Variants in TINF2 observed in about 807,000 individuals in gnomAD.
TINF2 encodes the protein TERF1 interacting nuclear factor 2, also known as TERF1-interacting nuclear factor 2.
TINF2 carries 27 observed loss-of-function variants against 50.4 expected under a neutral mutation model. That is an observed-to-expected ratio of 0.54 (90% CI 0.40 to 0.74). The LOEUF is 0.74. Ranked by LOEUF, TINF2 falls within the 30% of genes least tolerant of loss-of-function variation. TINF2 has a pLI of 0.00. For synonymous variants in TINF2, 223 were observed against 214.6 expected (o/e 1.04, Z -0.34); for missense variants, 496 against 551.5 (o/e 0.90, Z 1.01).
In TINF2 at chr14:24,240,578, G is replaced by C. The variant is rs2040552004; in HGVS notation, c.902C>G (p.Ser301Cys). Residue 301 changes from serine to cysteine, a missense_variant, in exon 6 of 9, where the codon TCT becomes TGT. Ser to Cys is a moderately radical substitution (Grantham distance 112). Coordinates refer to ENST00000267415, the MANE Select transcript of TINF2 (RefSeq NM_001099274.3). ...ATGTTCTTCCTTGCTCTCAGGCTTAGATATGACCTGGGTTGGTGAGCCGAG... is the reference window on the plus strand; with the variant it reads ...ATGTTCTTCCTTGCTCTCAGGCTTACATATGACCTGGGTTGGTGAGCCGAG... ...RNLGSPTQVI[S>C]KPESKEEHAI... 1 of 1,614,206 alleles carries C rather than the reference G, an allele frequency of 6.2e-7. No individual in the cohort carries two copies. The highest frequency in any genetic ancestry group is 8.5e-7 in the Non-Finnish European group (1 of 1,180,046).
Position 24,240,598 on chromosome 14 carries a change from G to A in TINF2, c.882C>T (p.Gly294=). The stretch of plus-strand genomic sequence containing the variant: ...GCTTAGATATGACCTGGGTTGGTGA[G>A]CCGAGATTCCTAAAGGGAAACAGCA... The part of the protein sequence containing the change: ...TVMLFPFRNL[G]SPTQVISKPE... Residue 294 remains glycine, a synonymous_variant, in exon 6 of 9, where the codon GGC becomes GGT. Coordinates refer to ENST00000267415, the MANE Select transcript of TINF2 (RefSeq NM_001099274.3). 1 of 1,614,180 alleles carries A rather than the reference G, an allele frequency of 6.2e-7. No individual in the cohort carries two copies. The highest frequency in any genetic ancestry group is 1.1e-5 in the South Asian group (1 of 91,086).
chr14:24,240,953 G>A (rs1251951421), intron 5 of TINF2, 67 bp downstream of exon 5: 1 of 1,613,634 alleles, frequency 6.2e-7, no homozygotes, highest in Non-Finnish European at 8.5e-7. Flanking sequence ...CGGAGCCCAT[G>A]GAACTATTCC....
chr14:24,242,639 A>G, upstream of TINF2: 3 of 1,226,924 alleles, frequency 2.4e-6, no homozygotes, highest in Non-Finnish European at 3.1e-6. Flanking sequence ...CGGCTCCGCT[A>G]CTAGCTTCCC....
In TINF2 at chr14:24,240,726, G is replaced by A. The variant is rs768311481; in HGVS notation, c.754C>T (p.Pro252Ser). The A allele has an allele frequency of 6.2e-7, 1 of 1,613,662 alleles. No homozygotes were observed. The highest frequency in any genetic ancestry group is 1.1e-5 in the South Asian group (1 of 91,080). The change falls in exon 6 of 9, where the codon CCT becomes TCT. Residue 252 changes from proline (P) to serine (S), a missense_variant. Pro to Ser is a moderately conservative substitution (Grantham distance 74, BLOSUM62 -1). Coordinates refer to ENST00000267415, the MANE Select transcript of TINF2 (RefSeq NM_001099274.3). ...AGATTGAAGTGTCGGCCAGCTAGAG[G>A]TTCTGGGTGCGTCCTTGAAGATGGT... ...QGPSSRTHPE[P>S]LAGRHFNLAP...
chr14:24,242,261 G>T lies in TINF2; in HGVS notation c.72C>A (p.Arg24=). ...GCGGAAAATGTTCCACGCAGCGTCC[G>T]CGCACAACCTGCCAGCTAGCCGCGG... ...FAAAASWQVV[R]GRCVEHFPRV... Residue 24 remains arginine, a synonymous_variant, in exon 1 of 9, where the codon CGC becomes CGA. Coordinates refer to ENST00000267415, the MANE Select transcript of TINF2 (RefSeq NM_001099274.3). 6.2e-7 allele frequency: 1 copy of T among 1,614,150 alleles called. No homozygotes were observed. The highest frequency in any genetic ancestry group is 8.5e-7 in the Non-Finnish European group (1 of 1,180,030).
Position 24,241,974 on chromosome 14 carries a change from C to G in TINF2, c.213G>C (p.Leu71=). 6.2e-7 allele frequency: 1 copy of G among 1,614,240 alleles called. No individual in the cohort carries two copies. The highest frequency in any genetic ancestry group is 2.2e-5 in the East Asian group (1 of 44,882). The part of the protein sequence containing the change: ...LKAKVVVELI[L]QGRPWAQVLK... ...GGACTTGGGCCCAAGGCCGGCCCTG[C>G]AGGATCAGCTCCACCACCACCTGTA... Residue 71 remains leucine, a synonymous_variant, in exon 2 of 9, where the codon CTG becomes CTC. Coordinates refer to ENST00000267415, the MANE Select transcript of TINF2 (RefSeq NM_001099274.3).
In TINF2 at chr14:24,239,873, T is replaced by C. The variant is rs1364080800; in HGVS notation, c.1280A>G (p.Glu427Gly). 6.2e-7 allele frequency: 1 copy of C among 1,614,094 alleles called. No individual in the cohort carries two copies. Among genetic ancestry groups the C allele is most frequent in the African/African-American group, 1.3e-5 (1 of 74,928 alleles). Residue 427 changes from glutamate to glycine, a missense_variant, in exon 9 of 9, where the codon GAA becomes GGA. Coordinates refer to ENST00000267415, the MANE Select transcript of TINF2 (RefSeq NM_001099274.3). ...ACCGTGGCCAGAAGGGGGTAGGTAT[T>C]CACAGAGAGTGGGTATCAAGGTGTC... ...KFDTLIPTLC[E>G]YLPPSGHGAI...
downstream of TINF2, chr14:24,239,642 A>G: frequency 6.5e-7 from 1 of 1,534,480 alleles, no homozygotes; most frequent in South Asian, 1.2e-5. Flanking sequence ...TCAAGGCAGT[A>G]TTTTAACAAA....
intron 3 of TINF2, 33 bp downstream of exon 3, chr14:24,241,642 A>G: frequency 6.4e-7 from 1 of 1,564,898 alleles, no homozygotes. Context: ...GTTAGAGAAA[A>G]TAGCCACATA....
intron 2 of TINF2, 28 bp downstream of exon 2, chr14:24,241,862 G>A (rs748978859): frequency 1.2e-6 from 2 of 1,613,800 alleles, no homozygotes; most frequent in African/African-American, 2.7e-5. Context: ...TGTAACTGGG[G>A]TCAGGGCTTG....
Position 24,242,189 on chromosome 14 carries a change from C to T in TINF2, c.144G>A (p.Leu48=). Residue 48 remains leucine (L), a synonymous_variant, in exon 1 of 9, where the codon TTG becomes TTA. Coordinates refer to ENST00000267415, the MANE Select transcript of TINF2 (RefSeq NM_001099274.3). ...LRSLRAVAPG[L]VRYRHHERLC... Reference sequence around the variant, plus strand: ...GGCGTTCGTGGTGCCGGTAGCGAACCAAGCCAGGGGCAACAGCGCGCAGAG... The same window carrying T: ...GGCGTTCGTGGTGCCGGTAGCGAACTAAGCCAGGGGCAACAGCGCGCAGAG... The T allele has an allele frequency of 6.2e-7, 1 of 1,614,268 alleles. No homozygotes were observed. Among genetic ancestry groups the T allele is most frequent in the Non-Finnish European group, 8.5e-7 (1 of 1,180,050 alleles).
chr14:24,240,017 T>G (rs748472164), intron 8 of TINF2, 47 bp downstream of exon 8: 1 of 1,614,222 alleles, frequency 6.2e-7, no homozygotes, highest in Admixed American at 1.7e-5. Context: ...TTTCTCAGTC[T>G]TGTTCTACCC....
chr14:24,241,218 G>A lies in TINF2; in HGVS notation c.493C>T (p.Pro165Ser), dbSNP rs2139000919. ...LCQLEKALPTPQAQQLQDVLS... is the reference protein window; with the variant it reads ...LCQLEKALPTSQAQQLQDVLS... Reference sequence around the variant, plus strand: ...CCCAGCGAAACCTGCTGTGCCTGCGGTGTAGGCAGTGCTTTCTCCAGCTGA... The same window carrying A: ...CCCAGCGAAACCTGCTGTGCCTGCGATGTAGGCAGTGCTTTCTCCAGCTGA... Residue 165 changes from proline to serine, a missense_variant, in exon 4 of 9, where the codon CCG (proline) becomes TCG (serine). By Grantham distance (74) the Pro-to-Ser change is moderately conservative. Around this residue, in one of 3 missense-constraint regions of TINF2, gnomAD observed 314 missense variants for 343.8 expected, o/e 0.91. Coordinates refer to ENST00000267415, the MANE Select transcript of TINF2 (RefSeq NM_001099274.3). The A allele has an allele frequency of 6.2e-7, 1 of 1,614,166 alleles. No homozygotes were observed. Among genetic ancestry groups the A allele is most frequent in the East Asian group, 2.2e-5 (1 of 44,890 alleles).
Position 24,239,915 on chromosome 14 carries a change from T to C in TINF2, c.1238A>G (p.Tyr413Cys). ...QGEGKESLEN[Y>C]QKTKFDTLIP... ...CAAGGTGTCAAACTTTGTCTTCTGA[T>C]AGTTTTCCAGAGATTCCTGTAGAGA... The change falls in exon 9 of 9, where the codon TAT becomes TGT. Residue 413 changes from tyrosine (Y) to cysteine (C), a missense_variant. Tyr to Cys is a radical substitution (Grantham distance 194, BLOSUM62 -2). This residue lies in a region of TINF2 where 179 missense variants were observed against 188.3 expected (regional missense o/e 0.95). Transcript: ENST00000267415. The C allele has an allele frequency of 6.2e-7, 1 of 1,614,176 alleles. No homozygotes were observed. The highest frequency in any genetic ancestry group is 8.5e-7 in the Non-Finnish European group (1 of 1,180,024).
In TINF2 at chr14:24,239,708, C is replaced by A. The variant is rs894778189; in HGVS notation, c.*89G>T. ...ATTTTTAGCAGTGTAGTTAGGCAAT[C>A]CAAGCCTGGACTTCCACTTCATTCC... On this transcript the variant is annotated 3_prime_UTR_variant, in exon 9 of 9. Transcript: ENST00000267415. The A allele has an allele frequency of 6.2e-7, 1 of 1,612,730 alleles. No individual in the cohort carries two copies. The highest frequency in any genetic ancestry group is 8.5e-7 in the Non-Finnish European group (1 of 1,179,724).
Position 24,240,554 on chromosome 14 carries a change from T to A in TINF2, c.926A>T (p.His309Leu), listed in dbSNP as rs771963817. The change falls in exon 6 of 9, where the codon CAT becomes CTT. Residue 309 changes from histidine (H) to leucine (L), a missense_variant. His to Leu is a moderately conservative substitution (Grantham distance 99). This residue lies in a region of TINF2 where 179 missense variants were observed against 188.3 expected (regional missense o/e 0.95). Coordinates refer to ENST00000267415, the MANE Select transcript of TINF2 (RefSeq NM_001099274.3). ...VISKPESKEEHAIYTADLAMG... is the reference protein window; with the variant it reads ...VISKPESKEELAIYTADLAMG... ...GGCTAGGTCTGCTGTGTATATCGCA[T>A]GTTCTTCCTTGCTCTCAGGCTTAGA... 1.9e-6 allele frequency: 3 copies of A among 1,614,094 alleles called. No individual in the cohort carries two copies. The highest frequency in any genetic ancestry group is 2.7e-5 in the African/African-American group (2 of 74,918).
At position 24,239,920 on chromosome 14, in the gene TINF2, T is replaced by C. The variant is rs1368000038; in HGVS notation, c.1233A>G (p.Glu411=). 2.0e-5 allele frequency: 32 copies of C among 1,614,074 alleles called. No homozygotes were observed. Among genetic ancestry groups the C allele is most frequent in the Admixed American group, 3.3e-5 (2 of 60,004 alleles). The change falls in exon 9 of 9, where the codon GAA becomes GAG. Residue 411 remains glutamate (E), a synonymous_variant. Coordinates refer to ENST00000267415, the MANE Select transcript of TINF2 (RefSeq NM_001099274.3). ...TGTCAAACTTTGTCTTCTGATAGTTTTCCAGAGATTCCTGTAGAGAAGGGA... is the reference window on the plus strand; with the variant it reads ...TGTCAAACTTTGTCTTCTGATAGTTCTCCAGAGATTCCTGTAGAGAAGGGA... ...NGQGEGKESL[E]NYQKTKFDTL...
chr14:24,242,642 A>G, upstream of TINF2: 4 of 1,217,680 alleles, frequency 3.3e-6, no homozygotes, highest in Non-Finnish European at 4.1e-6. Flanking sequence ...CTCCGCTACT[A>G]GCTTCCCTTG....
chr14:24,240,301 A>AG lies in TINF2; in HGVS notation c.1090dup (p.Leu364ProfsTer9), dbSNP rs1566366182. ...CCTAGGAGGTAATAATGATAGTCTC[A>AG]GGGGGTCCATGTAGCAATCCAAGCA... On this transcript the variant is annotated frameshift_variant, in exon 7 of 9. Coordinates refer to ENST00000267415, the MANE Select transcript of TINF2 (RefSeq NM_001099274.3). LOFTEE classifies it high-confidence loss of function. 1 of 1,613,960 alleles carries AG rather than the reference A, an allele frequency of 6.2e-7. No individual in the cohort carries two copies. The highest frequency in any genetic ancestry group is 8.5e-7 in the Non-Finnish European group (1 of 1,179,962).
Sources: allele counts gnomAD v4.1 joint callset, GRCh38; gene constraint gnomAD v4.1.1; regional missense constraint gnomAD v4.1.1; transcripts MANE v1.5; gene names NCBI Gene and HGNC (gene_info 2026-07-23, HGNC 2026-07-21).